CC2D2B: variants seen among roughly 807,000 people sequenced by gnomAD.
CC2D2B encodes protein CC2D2B.
Under a neutral mutation model 161.2 loss-of-function variants are expected in CC2D2B, and 128 were observed. That is an observed-to-expected ratio of 0.79 (90% CI 0.69 to 0.92). The LOEUF (loss-of-function observed/expected upper bound fraction) is 0.92. CC2D2B is among the 40% of genes least tolerant of loss of function. The pLI is 0.00. For synonymous variants in CC2D2B, 391 were observed against 449.8 expected (o/e 0.87, Z 1.65); for missense variants, 1,173 against 1,375.1 (o/e 0.85, Z 2.32).
intron 9 of CC2D2B, among the ~76,000 whole-genome samples, chr10:95,946,651 T>C (rs1273867577): frequency 1.3e-5 from 2 of 152,284 alleles, no homozygotes; most frequent in African/African-American, 4.8e-5. Flanking sequence ...AACAAAGACT[T>C]ACCAGCCATA....
At chr10:96,004,048 G>C (rs1223237060) in intron 24 of CC2D2B, 104 bp from the exon 25 acceptor site, 1 of 688,208 alleles carries the variant, frequency 1.5e-6, no homozygotes, top group East Asian at 3.3e-5. Context: ...CTTCATAAAA[G>C]AAAACAACAC....
At position 95,947,114 on chromosome 10, in the gene CC2D2B, T is replaced by TATATATATATATATATATATATA. The variant is rs1491386108; in HGVS notation, c.802-2782_802-2781insATATATATATATATATATATATA. ...ATATATATATATATATATATATATA[T>TATATATATATATATATATATATA]TTTTTTTTTTTTTTTTGAGACAAAG... On this transcript the variant is annotated intron_variant, in intron 9 of 34. Coordinates refer to ENST00000646931, the MANE Select transcript of CC2D2B (RefSeq NM_001349008.3). Among the ~76,000 whole-genome samples the TATATATATATATATATATATATA allele has an allele frequency of 2.1e-4, 5 of 23,928 alleles. 1 individual carries two copies. Among genetic ancestry groups the TATATATATATATATATATATATA allele is most frequent in the Non-Finnish European group, 3.2e-4 (5 of 15,682 alleles). 15.7% of individuals were successfully genotyped at this position (23,928 alleles called of 152,430 possible).
rs1215209341 is a variant in CC2D2B at position 95,974,058 on chromosome 10, G to C, written c.1845G>C (p.Leu615Phe). The change falls in exon 17 of 35, where the codon TTG becomes TTC. Residue 615 changes from leucine to phenylalanine, a missense_variant. Physicochemically the swap from Leu to Phe is conservative, Grantham distance 22. Around this residue, in one of 3 missense-constraint regions of CC2D2B, gnomAD observed 277 missense variants for 420.6 expected, o/e 0.66. Transcript: ENST00000646931. ...EGNGTEELCL[L>F]TSGKLSYSLS... The stretch of plus-strand genomic sequence containing the variant: ...ATGGAACTGAAGAACTCTGTCTTTT[G>C]ACATCAGGAAAACTTAGCTATTCTC... 2.4e-6 allele frequency: 3 copies of C among 1,231,346 alleles called. No homozygotes were observed. The highest frequency in any genetic ancestry group is 1.6e-5 in the African/African-American group (1 of 64,360). The allele number at this position is 1,231,346 out of a possible 1,614,324, so 76.3% of individuals were successfully genotyped here. A position where few individuals can be genotyped will look rare whatever the true frequency, so the allele number is the denominator to read the frequency against.
intron 21 of CC2D2B, 34 bp downstream of exon 21, chr10:95,991,495 A>C: frequency 1.6e-6 from 1 of 609,836 alleles, no homozygotes; most frequent in Non-Finnish European, 2.4e-6. Context: ...ATGAAATATA[A>C]ACCTTTAAGA....
At chr10:95,924,875 A>G in intron 5 of CC2D2B, 31 bp downstream of exon 5, 1 of 1,386,838 alleles carries the variant, frequency 7.2e-7, no homozygotes, top group Non-Finnish European at 1.0e-6. Flanking sequence ...TTTACTTTTT[A>G]AAACAGCTTT....
rs563641110 is a variant in CC2D2B, at chr10:95,914,460, G to A, written c.36+3101G>A. 3.3e-5 allele frequency among the ~76,000 whole-genome samples: 5 copies of A among 152,172 alleles called. No individual in the cohort carries two copies. The East Asian group carries it at 7.7e-4, about 24-fold the overall frequency. ...TAGTACAATTTGAAGTCAGTGATAT[G>A]GTTTGGCCGTGTCCCCATCCAAAAT... On this transcript the variant is annotated intron_variant, in intron 2 of 34. Transcript: ENST00000646931.
At chr10:96,010,195 A>T (rs2078926126) in intron 26 of CC2D2B, among the ~76,000 whole-genome samples, 1 of 152,244 alleles carries the variant, frequency 6.6e-6, no homozygotes, top group South Asian at 2.1e-4. Context: ...ATAAGATCAG[A>T]TTCATGAAAC....
intron 23 of CC2D2B, among the ~76,000 whole-genome samples, 166 bp downstream of exon 23, chr10:95,995,531 C>T (rs1333508249): frequency 6.6e-6 from 1 of 152,104 alleles, no homozygotes; most frequent in Non-Finnish European, 1.5e-5. Flanking sequence ...TATTTCATTC[C>T]CTGCTCTCAG....
At chr10:95,975,216 T>A (rs2141532923) in intron 17 of CC2D2B, among the ~76,000 whole-genome samples, 1 of 152,216 alleles carries the variant, frequency 6.6e-6, no homozygotes, top group Non-Finnish European at 1.5e-5. Context: ...CATAACTGGA[T>A]TAAATGGAAA....
chr10:96,027,405 A>G lies in CC2D2B; in HGVS notation c.4125+16A>G, dbSNP rs1437924144. On this transcript the variant is annotated intron_variant, in intron 34 of 34. Coordinates refer to ENST00000646931, the MANE Select transcript of CC2D2B (RefSeq NM_001349008.3). ...ATTTTATTGGGTTTGTATATGATTTAATGCATTAATGACATTTGTTTTATA... is the reference window on the plus strand; with the variant it reads ...ATTTTATTGGGTTTGTATATGATTTGATGCATTAATGACATTTGTTTTATA... 6.7e-7 allele frequency: 1 copy of G among 1,491,906 alleles called. No homozygotes were observed. The highest frequency in any genetic ancestry group is 1.3e-5 in the South Asian group (1 of 78,612). 92.4% of individuals were successfully genotyped at this position (1,491,906 alleles called of 1,614,324 possible).
At chr10:95,962,782 T>TA (rs2141428105) in intron 12 of CC2D2B, among the ~76,000 whole-genome samples, 1 of 151,152 alleles carries the variant, frequency 6.6e-6, no homozygotes, top group South Asian at 2.1e-4. Flanking sequence ...TTTTTTTTTT[T>TA]AACAAAAGTG....
Position 95,970,036 on chromosome 10 carries a change from CT to C in CC2D2B, c.1644+1150del, listed in dbSNP as rs575422353. Among the ~76,000 whole-genome samples the C allele has an allele frequency of 7.2e-3, 1,024 of 141,808 alleles. 5 individuals carry two copies. The highest frequency in any genetic ancestry group is 7.8e-3 in the Non-Finnish European group (503 of 64,398). The allele number at this position is 141,808 out of a possible 152,430, so 93.0% of individuals were successfully genotyped here. A position where few individuals can be genotyped will look rare whatever the true frequency, so the allele number is the denominator to read the frequency against. On this transcript the variant is annotated intron_variant, in intron 15 of 34. Transcript: ENST00000646931. ...CAGACTTTAACCTACATTTTTAATT[CT>C]TTTTTTTTTTTTTTCTAAGATGAAG... is the stretch of plus-strand genomic sequence containing the variant.
At position 95,955,416 on chromosome 10, in the gene CC2D2B, C is replaced by G. The variant is rs200713395; in HGVS notation, c.1034C>G (p.Thr345Ser). The G allele has an allele frequency of 6.3e-5, 25 of 398,114 alleles. No homozygotes were observed. The East Asian group carries it at 8.6e-4, about 14-fold the overall frequency. 24.7% of individuals were successfully genotyped at this position (398,114 alleles called of 1,614,324 possible). A position where few individuals can be genotyped will look rare whatever the true frequency, so the allele number is the denominator to read the frequency against. Residue 345 changes from threonine (T) to serine (S), a missense_variant, in exon 11 of 35, where the codon ACC (threonine) becomes AGC (serine). Physicochemically the swap from Thr to Ser is moderately conservative, Grantham distance 58. Around this residue, in one of 3 missense-constraint regions of CC2D2B, gnomAD observed 298 missense variants for 261.2 expected, o/e 1.14. Coordinates refer to ENST00000646931, the MANE Select transcript of CC2D2B (RefSeq NM_001349008.3). ...TAGCTGAAAGCACTGACAGATGCTA[C>G]CAAATTGTCAAATGAAAATTCAGAA... The part of the protein sequence containing the change: ...YEKLKALTDA[T>S]KLSNENSEIN...
intron 17 of CC2D2B, among the ~76,000 whole-genome samples, chr10:95,977,073 A>G (rs2077344739): frequency 6.7e-6 from 1 of 148,680 alleles, no homozygotes; most frequent in African/African-American, 2.5e-5. Context: ...TTAATACCAC[A>G]TTAAACACAC....
chr10:95,927,954 T>G (rs1002305667), intron 6 of CC2D2B, among the ~76,000 whole-genome samples: 1 of 152,162 alleles, frequency 6.6e-6, no homozygotes, highest in Non-Finnish European at 1.5e-5. Context: ...CTATCTGCTC[T>G]TGTTCCTGGA....
intron 1 of CC2D2B, among the ~76,000 whole-genome samples, chr10:95,908,671 GT>G (rs2098500519): frequency 1.3e-5 from 2 of 151,862 alleles, no homozygotes; most frequent in South Asian, 2.1e-4. Flanking sequence ...TGATGTGAGA[GT>G]TTTTTGGCTT....
chr10:95,969,366 C>T (rs1030529352), intron 15 of CC2D2B, among the ~76,000 whole-genome samples: 1 of 151,848 alleles, frequency 6.6e-6, no homozygotes, highest in Non-Finnish European at 1.5e-5. Flanking sequence ...ACAAAAGACC[C>T]CCAGTCTCTG....
intron 30 of CC2D2B, among the ~76,000 whole-genome samples, chr10:96,018,263 A>G (rs7085712): frequency 0.66 from 100,366 of 152,092 alleles, 33,370 homozygotes; most frequent in East Asian, 0.86. Context: ...CACTACAAAA[A>G]GTCTTATCTT....
intron 17 of CC2D2B, 56 bp from the exon 18 acceptor site, chr10:95,981,919 A>G (rs1433919356): frequency 4.5e-6 from 4 of 890,758 alleles, no homozygotes; most frequent in East Asian, 6.7e-5. Flanking sequence ...TGTATTATAT[A>G]TAATACATAT....
Sources: allele counts gnomAD v4.1 joint callset (sites outside exome capture counted in the v4.1 genomes callset), GRCh38; gene constraint gnomAD v4.1.1; regional missense constraint gnomAD v4.1.1; transcripts MANE v1.5; gene names NCBI Gene and HGNC (gene_info 2026-07-23, HGNC 2026-07-21).